KLHL38: variants seen among roughly 807,000 people sequenced by gnomAD.
KLHL38 encodes kelch-like protein 38.
KLHL38 carries 38 observed loss-of-function variants against 39.6 expected under a neutral mutation model. That is an observed-to-expected ratio of 0.96 (90% CI 0.74 to 1.26). KLHL38 has a LOEUF of 1.26. Ranked by LOEUF, KLHL38 falls within the 50% of genes most tolerant of loss-of-function variation. KLHL38 has a pLI of 0.00. For missense variants in KLHL38, 803 were observed against 748.1 expected, an observed-to-expected ratio of 1.07 and a Z score of -0.86; for synonymous variants, 322 against 302.2, an observed-to-expected ratio of 1.07 and a Z score of -0.68.
chr8:123,652,676 G>T lies in KLHL38; in HGVS notation c.251C>A (p.Thr84Asn), dbSNP rs369824187. 3 of 1,614,092 alleles carry T rather than the reference G, an allele frequency of 1.9e-6. No individual in the cohort carries two copies. Among genetic ancestry groups the T allele is most frequent in the South Asian group, 1.1e-5 (1 of 91,092 alleles). ...CACGTAGGAGACGATCTGGTCCAGG[G>T]TTGGGGGGTCAATGCCTTTCAGCTG... ...KVQLKGIDPPTLDQIVSYVYT... is the reference protein window; with the variant it reads ...KVQLKGIDPPNLDQIVSYVYT... Residue 84 changes from threonine (T) to asparagine (N), a missense_variant, in exon 2 of 4, where the codon ACC becomes AAC. By Grantham distance (65) the Thr-to-Asn change is moderately conservative. Transcript: ENST00000684634.
rs1184399011 is a variant in KLHL38 at position 123,652,709 on chromosome 8, G to C, written c.218C>G (p.Ala73Gly). 6.2e-7 allele frequency: 1 copy of C among 1,614,180 alleles called. No homozygotes were observed. The highest frequency in any genetic ancestry group is 1.1e-5 in the South Asian group (1 of 91,078). Residue 73 changes from alanine (A) to glycine (G), a missense_variant, in exon 2 of 4, where the codon GCC (alanine) becomes GGC (glycine). Coordinates refer to ENST00000684634, the MANE Select transcript of KLHL38 (RefSeq NM_001081675.3). ...GTCAATGCCTTTCAGCTGCACTTTG[G>C]CTTCACTCTTCTCCCGGAAGCTGCT... ...FCSSFREKSE[A>G]KVQLKGIDPP...
rs2129752560 is a variant in KLHL38, at chr8:123,651,777, A to C, written c.1150T>G (p.Phe384Val). 1.2e-6 allele frequency: 2 copies of C among 1,614,118 alleles called. No homozygotes were observed. Among genetic ancestry groups the C allele is most frequent in the Non-Finnish European group, 1.7e-6 (2 of 1,180,016 alleles). Residue 384 changes from phenylalanine (F) to valine (V), a missense_variant, in exon 2 of 4, where the codon TTC (phenylalanine) becomes GTC (valine). Transcript: ENST00000684634. The stretch of plus-strand genomic sequence containing the variant: ...CCAATCCCCCCGATGGAGAAGATGA[A>C]GTTCTTATGGGCAGTGCTTCTGTGG... ...YSHRSTAHKN[F>V]IFSIGGIGEG... is the part of the protein sequence containing the mutation.
intron 2 of KLHL38, among the ~76,000 whole-genome samples, chr8:123,647,470 T>G (rs1183099070): frequency 6.6e-6 from 1 of 152,244 alleles, no homozygotes; most frequent in Non-Finnish European, 1.5e-5. Flanking sequence ...GGAAGGTTTT[T>G]GAACCGTTCA....
At position 123,645,912 on chromosome 8, in the gene KLHL38, C is replaced by A. The variant is rs376576295; in HGVS notation, c.1573G>T (p.Val525Leu). 6.2e-7 allele frequency: 1 copy of A among 1,614,108 alleles called. No individual in the cohort carries two copies. The highest frequency in any genetic ancestry group is 2.2e-5 in the East Asian group (1 of 44,878). Residue 525 changes from valine to leucine, a missense_variant, in exon 4 of 4, where the codon GTG becomes TTG. Val to Leu is a conservative substitution (Grantham distance 32, BLOSUM62 1). Transcript: ENST00000684634. ...GATVMGNKLY[V>L]TGGRRLTTDC... is the part of the protein sequence containing the mutation. ...GTGGTCAGCCGCCGCCCGCCCGTCA[C>A]GTAGAGTTTGTTTCCCATCACTGTG... is the stretch of plus-strand genomic sequence containing the variant.
Position 123,652,123 on chromosome 8 carries a change from T to C in KLHL38, c.804A>G (p.Pro268=). The part of the protein sequence containing the change: ...QMFSLCGTTV[P]DCKLLLHVPP... ...GGACATGCAACAGGAGTTTGCAGTC[T>C]GGGACGGTGGTGCCACACAAAGAGA... The change falls in exon 2 of 4, where the codon CCA becomes CCG. Residue 268 remains proline (P), a synonymous_variant. Transcript: ENST00000684634. 6.2e-7 allele frequency: 1 copy of C among 1,614,206 alleles called. No homozygotes were observed. Among genetic ancestry groups the C allele is most frequent in the South Asian group, 1.1e-5 (1 of 91,086 alleles).
chr8:123,652,916 T>C lies in KLHL38; in HGVS notation c.11A>G (p.Glu4Gly). MDE[E>G]SLDGLLFKDH... Reference sequence around the variant, plus strand: ...TTTGAAGAGCAGCCCATCTAGTGACTCCTCGTCCATCCTACAAAGAGGGAA... The same window carrying C: ...TTTGAAGAGCAGCCCATCTAGTGACCCCTCGTCCATCCTACAAAGAGGGAA... The change falls in exon 2 of 4, where the codon GAG becomes GGG. Residue 4 changes from glutamate to glycine, a missense_variant. Physicochemically the swap from Glu to Gly is moderately conservative, Grantham distance 98. Coordinates refer to ENST00000684634, the MANE Select transcript of KLHL38 (RefSeq NM_001081675.3). 2 of 1,590,530 alleles carry C rather than the reference T, an allele frequency of 1.3e-6. No individual in the cohort carries two copies. The highest frequency in any genetic ancestry group is 1.1e-5 in the South Asian group (1 of 89,734).
Position 123,652,125 on chromosome 8 carries a change from GGAC to G in KLHL38, c.799_801del (p.Val267del), listed in dbSNP as rs1563593747. ...ACATGCAACAGGAGTTTGCAGTCTGGGACGGTGGTGCCACACAAAGAGAACATC... is the reference window on the plus strand; with the variant it reads ...ACATGCAACAGGAGTTTGCAGTCTGGGGTGGTGCCACACAAAGAGAACATC... On this transcript the variant is annotated inframe_deletion, in exon 2 of 4. Transcript: ENST00000684634. The G allele has an allele frequency of 1.9e-6, 3 of 1,614,162 alleles. No individual in the cohort carries two copies. Among genetic ancestry groups the G allele is most frequent in the Non-Finnish European group, 1.7e-6 (2 of 1,180,024 alleles).
chr8:123,648,836 A>G (rs1812581120), intron 2 of KLHL38, among the ~76,000 whole-genome samples: 1 of 152,218 alleles, frequency 6.6e-6, no homozygotes, highest in African/African-American at 2.4e-5. Context: ...ACGCACACAC[A>G]CAGATGAACA....
At chr8:123,646,183 G>A (rs1352032498) in intron 3 of KLHL38, among the ~76,000 whole-genome samples, 155 bp from the exon 4 acceptor site, 6 of 152,260 alleles carry the variant, frequency 3.9e-5, no homozygotes, top group Non-Finnish European at 8.8e-5. Flanking sequence ...GCCAAGGCCT[G>A]CTTTGTGGCA....
In KLHL38 at chr8:123,651,859, G is replaced by C. The variant is rs373810829; in HGVS notation, c.1068C>G (p.Phe356Leu). The C allele has an allele frequency of 1.1e-5, 18 of 1,614,082 alleles. No homozygotes were observed. In the African/African-American group the frequency reaches 2.3e-4, roughly 20 times the overall value. The change falls in exon 2 of 4, where the codon TTC becomes TTG. Residue 356 changes from phenylalanine to leucine, a missense_variant. Physicochemically the swap from Phe to Leu is conservative, Grantham distance 22. Coordinates refer to ENST00000684634, the MANE Select transcript of KLHL38 (RefSeq NM_001081675.3). ...GCCTCCACTGATTGAGTTTCAGGGA[G>C]AAGATGTAGACATTGTGACTGACCA... Reference protein sequence around the residue: ...RSLVSHNVYIFSLKLNQWRLG... With the variant: ...RSLVSHNVYILSLKLNQWRLG...
In KLHL38 at chr8:123,651,443, CATAT is replaced by C. The variant is rs1017061023; in HGVS notation, c.1350+130_1350+133del. 12 of 915,086 alleles carry C rather than the reference CATAT, an allele frequency of 1.3e-5. No individual in the cohort carries two copies. In the African/African-American group the frequency reaches 1.8e-4, roughly 14 times the overall value. 56.7% of individuals were successfully genotyped at this position (915,086 alleles called of 1,614,324 possible). ...ATATGTGTGTTTGTGTATATGTGTG[CATAT>C]ATATATTTATGTGCATATATGTGTT... On this transcript the variant is annotated intron_variant, in intron 2 of 3. Transcript: ENST00000684634.
Position 123,645,113 on chromosome 8 carries a change from CAG to C in KLHL38, c.*624_*625del, listed in dbSNP as rs575032319. On this transcript the variant is annotated 3_prime_UTR_variant, in exon 4 of 4. Transcript: ENST00000684634. Reference sequence around the variant, plus strand: ...AGAGAAGCAGAGAGGGGGAGACAGACAGAGAGAGAGAAGAGAGACAGAAACTG... The same window carrying C: ...AGAGAAGCAGAGAGGGGGAGACAGACAGAGAGAGAAGAGAGACAGAAACTG... Among the ~76,000 whole-genome samples the C allele has an allele frequency of 6.7e-6, 1 of 148,610 alleles. No individual in the cohort carries two copies. Among genetic ancestry groups the C allele is most frequent in the Admixed American group, 6.7e-5 (1 of 14,928 alleles).
In KLHL38 at chr8:123,645,976, T is replaced by C; in HGVS notation, c.1509A>G (p.Lys503=). The C allele has an allele frequency of 6.2e-7, 1 of 1,614,046 alleles. No homozygotes were observed. The highest frequency in any genetic ancestry group is 8.5e-7 in the Non-Finnish European group (1 of 1,179,982). ...AYDPQSNKFV[K]CADMKDRRMH... ...TCCTCCGGTCTTTCATGTCCGCACA[T>C]TTGACAAATTTGTTGGATTGAGGGT... Residue 503 remains lysine (K), a synonymous_variant, in exon 4 of 4, where the codon AAA becomes AAG. Transcript: ENST00000684634.
In KLHL38 at chr8:123,652,469, T is replaced by C; in HGVS notation, c.458A>G (p.Lys153Arg). The stretch of plus-strand genomic sequence containing the variant: ...CGTCAGTGCCACCTCCCTGGCTTTC[T>C]TCTTGAGGGTCTCGCAGCTTAAGAT... Reference protein sequence around the residue: ...SEILSCETLKKKAREVALTSF... With the variant: ...SEILSCETLKRKAREVALTSF... The change falls in exon 2 of 4, where the codon AAG (lysine) becomes AGG (arginine). Residue 153 changes from lysine to arginine, a missense_variant. Physicochemically the swap from Lys to Arg is conservative, Grantham distance 26. Coordinates refer to ENST00000684634, the MANE Select transcript of KLHL38 (RefSeq NM_001081675.3). 1 of 1,614,188 alleles carries C rather than the reference T, an allele frequency of 6.2e-7. No homozygotes were observed. The highest frequency in any genetic ancestry group is 2.2e-5 in the East Asian group (1 of 44,870).
chr8:123,648,869 C>T (rs762596957), intron 2 of KLHL38, among the ~76,000 whole-genome samples: 4 of 152,214 alleles, frequency 2.6e-5, no homozygotes, highest in South Asian at 4.1e-4. Context: ...AAACTCTCAA[C>T]CAGTGCCTGA....
At position 123,651,682 on chromosome 8, in the gene KLHL38, G is replaced by C; in HGVS notation, c.1245C>G (p.Ala415=). 1 of 1,614,138 alleles carries C rather than the reference G, an allele frequency of 6.2e-7. No homozygotes were observed. The highest frequency in any genetic ancestry group is 2.2e-5 in the East Asian group (1 of 44,884). The part of the protein sequence containing the change: ...DSICNVWESM[A]SMPVGVLHPA... ...GGTGGAGCACCCCCACGGGCATGCT[G>C]GCCATACTCTCCCAGACATTGCAGA... Residue 415 remains alanine, a synonymous_variant, in exon 2 of 4, where the codon GCC becomes GCG. Transcript: ENST00000684634.
rs1033215632 is a variant in KLHL38 at position 123,645,294 on chromosome 8, G to A, written c.*445C>T. 1.3e-5 allele frequency among the ~76,000 whole-genome samples: 2 copies of A among 152,056 alleles called. No individual in the cohort carries two copies. The highest frequency in any genetic ancestry group is 2.9e-5 in the Non-Finnish European group (2 of 68,006). ...CTTTACTAAAACGCAAAAATTAGCT[G>A]GACTTGGTGGCACATGCCTATAATC... On this transcript the variant is annotated 3_prime_UTR_variant, in exon 4 of 4. Transcript: ENST00000684634.
In KLHL38 at chr8:123,652,615, G is replaced by A. The variant is rs777928307; in HGVS notation, c.312C>T (p.Val104=). ...TGEAHIATDN[V]LPVMEAASML... ...TGGAGGCGGCCTCCATCACGGGGAG[G>A]ACATTGTCAGTGGCAATATGTGCCT... Residue 104 remains valine, a synonymous_variant, in exon 2 of 4, where the codon GTC becomes GTT. Coordinates refer to ENST00000684634, the MANE Select transcript of KLHL38 (RefSeq NM_001081675.3). 1 of 1,614,198 alleles carries A rather than the reference G, an allele frequency of 6.2e-7. No individual in the cohort carries two copies. The highest frequency in any genetic ancestry group is 1.6e-4 in the Middle Eastern group (1 of 6,062).
intron 2 of KLHL38, among the ~76,000 whole-genome samples, chr8:123,648,522 A>G (rs1267166179): frequency 1.3e-5 from 2 of 152,222 alleles, no homozygotes; most frequent in Non-Finnish European, 2.9e-5. Flanking sequence ...CTTGGAAGAA[A>G]AGCAAACACT....
Sources: gnomAD v4.1 joint callset for allele counts (sites outside exome capture counted in the v4.1 genomes callset) on GRCh38, gnomAD v4.1.1 for gene constraint, MANE v1.5 for transcripts, NCBI Gene and HGNC (gene_info 2026-07-23, HGNC 2026-07-21) for gene names.